HYDIN: variants seen among roughly 807,000 people sequenced by gnomAD.
HYDIN encodes the protein HYDIN axonemal central pair apparatus protein, also known as axonemal central pair apparatus protein HYDIN.
HYDIN carries 132 observed loss-of-function variants against 403.9 expected under a neutral mutation model. The ratio of observed to expected loss-of-function variants is 0.33; its 90% CI spans 0.28 to 0.38. The LOEUF (loss-of-function observed/expected upper bound fraction) is 0.38. Among genes scored for constraint, HYDIN ranks in the 10% least tolerant of loss-of-function variants. The pLI is 1.00. For missense variants in HYDIN, 2,827 were observed against 5,009.5 expected (o/e 0.56, Z 13.15); for synonymous variants, 1,202 against 1,891.7 (o/e 0.64, Z 9.46).
chr16:71,217,534 T>G (rs1271043237), intron 1 of HYDIN, among the ~76,000 whole-genome samples: 1 of 152,194 alleles, frequency 6.6e-6, no homozygotes, highest in East Asian at 1.9e-4. Flanking sequence ...CTGGTTAAAT[T>G]TAAGGACTCA....
rs550771269 is a variant in HYDIN, at chr16:70,806,939, T to TGG, written c.*639_*640dup. Reference sequence around the variant, plus strand: ...TCCAAGGCGGGGTGTGTATGTGTGGTGGGGGGAGCTGGGATCTCTATTAGC... The same window carrying TGG: ...TCCAAGGCGGGGTGTGTATGTGTGGTGGGGGGGGAGCTGGGATCTCTATTAGC... On this transcript the variant is annotated 3_prime_UTR_variant, in exon 86 of 86. Transcript: ENST00000393567. Among the ~76,000 whole-genome samples, 11 of 151,930 alleles carry TGG rather than the reference T, an allele frequency of 7.2e-5. No individual in the cohort carries two copies. In the South Asian group the frequency reaches 2.3e-3, roughly 32 times the overall value.
intron 41 of HYDIN, 61 bp from the exon 42 acceptor site, chr16:70,944,010 A>G (rs1394780670): frequency 4.8e-6 from 6 of 1,255,254 alleles, no homozygotes; most frequent in Non-Finnish European, 6.8e-6. Flanking sequence ...CAACTCCTAC[A>G]CTTACCAGCC....
chr16:71,105,051 T>C (rs529717128), intron 10 of HYDIN, among the ~76,000 whole-genome samples: 19 of 147,504 alleles, frequency 1.3e-4, no homozygotes, highest in African/African-American at 4.8e-4. Flanking sequence ...CTTAAAATCT[T>C]TGAAGAGATA....
chr16:71,153,013 A>G (rs1185678420), intron 6 of HYDIN: 1 of 413,640 alleles, frequency 2.4e-6, no homozygotes. Flanking sequence ...CAATGCAACA[A>G]TATTCTTGTT....
chr16:70,989,797 C>T lies in HYDIN; in HGVS notation c.3865-1285G>A, dbSNP rs1431539982. Among the ~76,000 whole-genome samples, 21 of 152,140 alleles carry T rather than the reference C, an allele frequency of 1.4e-4. No individual in the cohort carries two copies. The East Asian group carries it at 4.0e-3, about 29-fold the overall frequency. On this transcript the variant is annotated intron_variant, in intron 25 of 85. Transcript: ENST00000393567. ...TCCTATATGTTGAATTTAGTTATTCCTCTTAATTCAGCTGATATTTACTGG... is the reference window on the plus strand; with the variant it reads ...TCCTATATGTTGAATTTAGTTATTCTTCTTAATTCAGCTGATATTTACTGG...
In HYDIN at chr16:70,860,709, G is replaced by A; in HGVS notation, c.11970C>T (p.Gly3990=). The A allele has an allele frequency of 1.8e-6, 1 of 546,278 alleles. No homozygotes were observed. The highest frequency in any genetic ancestry group is 3.1e-6 in the Non-Finnish European group (1 of 319,656). 33.8% of individuals were successfully genotyped at this position (546,278 alleles called of 1,614,324 possible). A position where few individuals can be genotyped will look rare whatever the true frequency, so the allele number is the denominator to read the frequency against. ...CTCACCGGAGATTCTTCCCTCCTAT[G>A]CCCACAGTGGTGAACTCAATCACCC... is the stretch of plus-strand genomic sequence containing the variant. ...NTRVIEFTTV[G]IGGKNLRTFT... The change falls in exon 70 of 86, where the codon GGC becomes GGT. Residue 3990 remains glycine, a synonymous_variant. Transcript: ENST00000393567.
At chr16:70,915,239 G>T (rs1321111244) in intron 47 of HYDIN, among the ~76,000 whole-genome samples, 3 of 152,164 alleles carry the variant, frequency 2.0e-5, no homozygotes, top group African/African-American at 7.2e-5. Context: ...ATCAGAGTTG[G>T]TTTTCTGGTT....
At chr16:71,073,632 T>C (rs1363067473) in intron 13 of HYDIN, among the ~76,000 whole-genome samples, 3 of 152,274 alleles carry the variant, frequency 2.0e-5, no homozygotes, top group African/African-American at 7.2e-5. Context: ...GTTCAATAAA[T>C]GCTTGGAGGT....
intron 5 of HYDIN, among the ~76,000 whole-genome samples, chr16:71,174,816 G>C (rs187031283): frequency 6.6e-6 from 1 of 152,152 alleles, no homozygotes; most frequent in Non-Finnish European, 1.5e-5. Context: ...TGAGCTGATG[G>C]GGGTGAGCAG....
In HYDIN at chr16:71,061,851, C is replaced by A. The variant is rs1176233804; in HGVS notation, c.2376+318G>T. 9.2e-5 allele frequency among the ~76,000 whole-genome samples: 10 copies of A among 108,550 alleles called. No individual in the cohort carries two copies. The East Asian group carries it at 2.8e-3, about 30-fold the overall frequency. The allele number at this position is 108,550 out of a possible 152,430, so 71.2% of individuals were successfully genotyped here. The stretch of plus-strand genomic sequence containing the variant: ...TTCAAAGGACTGGAGAGGGGTCAGG[C>A]ATGTGTGACAGTGTGTGTGTGTGTG... On this transcript the variant is annotated intron_variant, in intron 17 of 85. Transcript: ENST00000393567.
intron 38 of HYDIN, among the ~76,000 whole-genome samples, chr16:70,960,632 T>C (rs1331779594): frequency 6.6e-6 from 1 of 151,970 alleles, no homozygotes. Context: ...TGTAACTTGC[T>C]TTTCACATAA....
intron 30 of HYDIN, among the ~76,000 whole-genome samples, chr16:70,978,103 G>C (rs1192310381): frequency 6.6e-6 from 1 of 151,878 alleles, no homozygotes; most frequent in Non-Finnish European, 1.5e-5. Flanking sequence ...GTAGCCACGG[G>C]AAACAGCTGA....
intron 23 of HYDIN, among the ~76,000 whole-genome samples, chr16:71,009,304 T>C (rs1345952318): frequency 6.7e-6 from 1 of 149,358 alleles, no homozygotes; most frequent in Non-Finnish European, 1.5e-5. Flanking sequence ...GGTGATGTTA[T>C]TCAAGTCCTG....
chr16:70,980,554 T>TTATA (rs372055591), intron 29 of HYDIN, among the ~76,000 whole-genome samples: 3 of 146,988 alleles, frequency 2.0e-5, no homozygotes, highest in African/African-American at 7.4e-5. Context: ...TAAATATAAA[T>TTATA]TATATATATA....
chr16:70,859,083 C>T (rs1389640833), intron 71 of HYDIN, among the ~76,000 whole-genome samples: 4 of 151,382 alleles, frequency 2.6e-5, no homozygotes, highest in African/African-American at 4.9e-5. Context: ...GGGCAGATCA[C>T]GAGGTCAGGA....
intron 18 of HYDIN, among the ~76,000 whole-genome samples, chr16:71,033,983 G>A (rs1175016908): frequency 6.6e-6 from 1 of 152,072 alleles, no homozygotes; most frequent in Non-Finnish European, 1.5e-5. Context: ...ATGCTTCCAG[G>A]ATAATAACGG....
At chr16:71,003,876 A>T (rs1363917549) in intron 23 of HYDIN, among the ~76,000 whole-genome samples, 1 of 151,394 alleles carries the variant, frequency 6.6e-6, no homozygotes, top group Non-Finnish European at 1.5e-5. Context: ...CATTAATTCT[A>T]GTAATTTGTC....
intron 83 of HYDIN, among the ~76,000 whole-genome samples, chr16:70,826,743 CTCTG>C (rs1375046233): frequency 1.8e-4 from 23 of 131,362 alleles, no homozygotes; most frequent in East Asian, 1.1e-3. Context: ...CTCTCTCTCT[CTCTG>C]TGTGTGTGTT....
chr16:70,858,290 GA>G (rs1203866229), intron 71 of HYDIN, among the ~76,000 whole-genome samples: 1 of 152,262 alleles, frequency 6.6e-6, no homozygotes, highest in Non-Finnish European at 1.5e-5. Context: ...TTGAAATTAG[GA>G]AATGAGTGGC....
Sources: gnomAD v4.1 joint callset for allele counts (sites outside exome capture counted in the v4.1 genomes callset) on GRCh38, gnomAD v4.1.1 for gene constraint, MANE v1.5 for transcripts, NCBI Gene and HGNC (gene_info 2026-07-23, HGNC 2026-07-21) for gene names.